The following EXD3 variants were observed in gnomAD, a reference collection of about 807,000 sequenced individuals.
The protein encoded by EXD3 is exonuclease 3'-5' domain containing 3.
Under a neutral mutation model 98.0 loss-of-function variants are expected in EXD3, and 92 were observed. The observed-to-expected ratio is 0.94, with a 90% CI of 0.79 to 1.12. The LOEUF (loss-of-function observed/expected upper bound fraction) is 1.12. Among genes scored for constraint, EXD3 ranks in the 50% most tolerant of loss-of-function variants. The probability of loss-of-function intolerance (pLI) is 0.00; values close to 1 mark genes in which losing one functional copy is unlikely to be tolerated. For missense variants in EXD3, 1,222 were observed against 1,191.6 expected, an observed-to-expected ratio of 1.03 and a Z score of -0.38; for synonymous variants, 569 against 526.0, an observed-to-expected ratio of 1.08 and a Z score of -1.12.
At chr9:137,321,750 G>T (rs773730934) in intron 19 of EXD3, among the ~76,000 whole-genome samples, 53 of 152,306 alleles carry the variant, frequency 3.5e-4, no homozygotes, top group Admixed American at 9.1e-4. Context: ...GCTCCAGGCG[G>T]AATATTGATG....
At position 137,352,634 on chromosome 9, in the gene EXD3, G is replaced by A. The variant is rs1411908368; in HGVS notation, c.1023C>T (p.Phe341=). The change falls in exon 11 of 22, where the codon TTC becomes TTT. Residue 341 remains phenylalanine (F), a synonymous_variant. Coordinates refer to ENST00000340951, the MANE Select transcript of EXD3 (RefSeq NM_017820.5). ...GCGGCGCTCACCTCCCCTGGAGCCT[G>A]AACCGGCGGAGTTCCACAGCCACCG... ...PAAVAVELRR[F]RLQGRATEAD... The A allele has an allele frequency of 1.3e-6, 2 of 1,546,394 alleles. No individual in the cohort carries two copies. The highest frequency in any genetic ancestry group is 1.7e-6 in the Non-Finnish European group (2 of 1,145,722).
chr9:137,333,443 A>G (rs764669680), intron 17 of EXD3, among the ~76,000 whole-genome samples: 2 of 152,128 alleles, frequency 1.3e-5, no homozygotes, highest in Non-Finnish European at 2.9e-5. Flanking sequence ...CCTGGCTGAC[A>G]CTATACTACA....
intron 20 of EXD3, among the ~76,000 whole-genome samples, chr9:137,307,858 C>G (rs909164209): frequency 6.6e-6 from 1 of 151,910 alleles, no homozygotes; most frequent in African/African-American, 2.4e-5. Flanking sequence ...ACTCACACCT[C>G]GGAAAGGTCT....
At chr9:137,340,876 A>C (rs2119181860) in intron 17 of EXD3, among the ~76,000 whole-genome samples, 1 of 152,302 alleles carries the variant, frequency 6.6e-6, no homozygotes, top group South Asian at 2.1e-4. Flanking sequence ...ATGCAGTTCC[A>C]AGCAACACTG....
At chr9:137,325,495 C>A (rs1832348021) in intron 17 of EXD3, among the ~76,000 whole-genome samples, 1 of 151,996 alleles carries the variant, frequency 6.6e-6, no homozygotes, top group Non-Finnish European at 1.5e-5. Flanking sequence ...TGCAGTGGCA[C>A]AATCTCGGCT....
chr9:137,369,268 A>G (rs1835465499), intron 5 of EXD3, among the ~76,000 whole-genome samples: 1 of 152,124 alleles, frequency 6.6e-6, no homozygotes, highest in Non-Finnish European at 1.5e-5. Context: ...CGCAGGGGCC[A>G]CCACATGGGG....
In EXD3 at chr9:137,371,554, C is replaced by T. The variant is rs898191049; in HGVS notation, c.462+1351G>A. Among the ~76,000 whole-genome samples the T allele has an allele frequency of 5.9e-5, 9 of 152,056 alleles. No individual in the cohort carries two copies. Among genetic ancestry groups the T allele is most frequent in the East Asian group, 5.8e-4 (3 of 5,186 alleles). On this transcript the variant is annotated intron_variant, in intron 5 of 21. Coordinates refer to ENST00000340951, the MANE Select transcript of EXD3 (RefSeq NM_017820.5). The surrounding 1 kb of genome is among the most constrained non-coding windows in gnomAD (Gnocchi z 8.0). ...AGCAGGGTCCCACGTGGGCAGGCAGCGGGGTGGTGGCCTTCACGCTCGGCC... is the reference window on the plus strand; with the variant it reads ...AGCAGGGTCCCACGTGGGCAGGCAGTGGGGTGGTGGCCTTCACGCTCGGCC...
At position 137,348,448 on chromosome 9, in the gene EXD3, G is replaced by C. The variant is rs571547469; in HGVS notation, c.1831-210C>G. 1.7e-4 allele frequency among the ~76,000 whole-genome samples: 24 copies of C among 139,698 alleles called. No homozygotes were observed. The East Asian group carries it at 2.7e-3, about 16-fold the overall frequency. 91.6% of individuals were successfully genotyped at this position (139,698 alleles called of 152,430 possible). Reference sequence around the variant, plus strand: ...GGGGCTCTAGTGCTCATGCTGGGGGGGCTCCACGTGTGTGTCTGGGGTGGC... The same window carrying C: ...GGGGCTCTAGTGCTCATGCTGGGGGCGCTCCACGTGTGTGTCTGGGGTGGC... On this transcript the variant is annotated intron_variant, in intron 16 of 21. Transcript: ENST00000340951.
At chr9:137,394,723 C>G (rs986166146) in intron 2 of EXD3, among the ~76,000 whole-genome samples, 1 of 152,200 alleles carries the variant, frequency 6.6e-6, no homozygotes, top group Non-Finnish European at 1.5e-5. Context: ...ATGCGGCCTC[C>G]CCGGCTTTGC....
In EXD3 at chr9:137,349,151, G is replaced by A; in HGVS notation, c.1789C>T (p.Pro597Ser). 1.3e-6 allele frequency: 2 copies of A among 1,597,454 alleles called. No individual in the cohort carries two copies. The highest frequency in any genetic ancestry group is 8.5e-7 in the Non-Finnish European group (1 of 1,177,842). Residue 597 changes from proline to serine, a missense_variant, in exon 16 of 22, where the codon CCC (proline) becomes TCC (serine). Physicochemically the swap from Pro to Ser is moderately conservative, Grantham distance 74 (BLOSUM62 -1). Transcript: ENST00000340951. The surrounding 1 kb of genome is among the most constrained non-coding windows in gnomAD (Gnocchi z 7.4). ...HRERPGARKP[P>S]GLQKASAPAA... ...GGTGCTGACGCTTTCTGCAGGCCGG[G>A]TGGCTTCCGTGCCCCTGGTCTCTCT...
intron 2 of EXD3, 91 bp from the exon 3 acceptor site, chr9:137,383,468 A>C: frequency 1.0e-6 from 1 of 983,998 alleles, no homozygotes; most frequent in Non-Finnish European, 1.5e-6. Flanking sequence ...CTGACCCGCA[A>C]TGCCTGGGGC....
At chr9:137,344,526 G>A (rs1253015972) in intron 17 of EXD3, among the ~76,000 whole-genome samples, 1 of 152,160 alleles carries the variant, frequency 6.6e-6, no homozygotes, top group African/African-American at 2.4e-5. Context: ...TGATACCCCT[G>A]CGCTTTCTGG....
intron 1 of EXD3, among the ~76,000 whole-genome samples, chr9:137,411,454 C>G (rs565546558): frequency 6.6e-6 from 1 of 151,988 alleles, no homozygotes; most frequent in Admixed American, 6.5e-5. Flanking sequence ...AAGGCGGGAC[C>G]GGCGGGACCA....
chr9:137,401,311 A>G (rs1298553777), intron 1 of EXD3, among the ~76,000 whole-genome samples: 1 of 151,692 alleles, frequency 6.6e-6, no homozygotes, highest in Non-Finnish European at 1.5e-5. Context: ...CCGCCACCAC[A>G]CCCGACTAAA....
At chr9:137,388,020 A>G (rs13291577) in intron 2 of EXD3, among the ~76,000 whole-genome samples, 101,141 of 152,164 alleles carry the variant, frequency 0.66, 35,513 homozygotes, top group African/African-American at 0.89. Context: ...CCTTGGAACC[A>G]TGTGGGTGGG....
intron 17 of EXD3, among the ~76,000 whole-genome samples, chr9:137,328,486 A>AATATACTCCCATATGATG (rs1284957127): frequency 1.4e-3 from 6 of 4,196 alleles, no homozygotes; most frequent in African/African-American, 1.3e-3. Context: ...GTAAAAACAA[A>AATATACTCCCATATGATG]AGTAAAAACA....
At chr9:137,374,499 G>A (rs1419135442) in intron 3 of EXD3, 5 of 940,878 alleles carry the variant, frequency 5.3e-6, no homozygotes, top group African/African-American at 3.5e-5. Context: ...AGGCTGCCGC[G>A]CAGCTTTGAA....
chr9:137,332,234 C>G (rs1461965018), intron 17 of EXD3, among the ~76,000 whole-genome samples: 2 of 149,442 alleles, frequency 1.3e-5, no homozygotes, highest in Non-Finnish European at 2.9e-5. Context: ...TTAGAAAAAA[C>G]AATCCTAAAA....
At chr9:137,416,940 C>T (rs1251794303) in intron 1 of EXD3, among the ~76,000 whole-genome samples, 1 of 152,232 alleles carries the variant, frequency 6.6e-6, no homozygotes, top group African/African-American at 2.4e-5. Context: ...AGCCCCGACA[C>T]CTCCCCGTTT....
Sources: gnomAD v4.1 joint callset for allele counts (sites outside exome capture counted in the v4.1 genomes callset) on GRCh38, gnomAD v4.1.1 for gene constraint, Gnocchi (gnomAD v3.1) non-coding constraint, MANE v1.5 for transcripts, NCBI Gene and HGNC (gene_info 2026-07-23, HGNC 2026-07-21) for gene names.